The following TIAM1 variants were observed in gnomAD, a reference collection of about 807,000 sequenced individuals.
The protein encoded by TIAM1 is rho guanine nucleotide exchange factor TIAM1.
Under a neutral mutation model 163.5 loss-of-function variants are expected in TIAM1, and 65 were observed. That is an observed-to-expected ratio of 0.40 (90% confidence interval 0.33 to 0.49). The LOEUF (loss-of-function observed/expected upper bound fraction) is 0.49, where lower values mean the gene tolerates loss of function less well. Among genes scored for constraint, TIAM1 ranks in the 20% least tolerant of loss-of-function variants. The probability of loss-of-function intolerance (pLI) is 0.77; values close to 1 mark genes in which losing one functional copy is unlikely to be tolerated. For synonymous variants in TIAM1, 833 were observed against 810.1 expected (o/e 1.03, Z -0.48); for missense variants, 1,789 against 2,044.7 (o/e 0.87, Z 2.41).
chr21:31,146,784 T>C, intron 20 of TIAM1, 111 bp downstream of exon 20: 1 of 758,608 alleles, frequency 1.3e-6, no homozygotes, highest in Middle Eastern at 3.5e-4. Context: ...TGCTGGAACA[T>C]CTATCTGGCA....
chr21:31,315,478 G>A (rs950011170), intron 2 of TIAM1, among the ~76,000 whole-genome samples: 3 of 151,370 alleles, frequency 2.0e-5, no homozygotes, highest in African/African-American at 2.4e-5. Flanking sequence ...TCACGCCACC[G>A]CACTCTAGCC....
intron 2 of TIAM1, among the ~76,000 whole-genome samples, chr21:31,442,166 C>T (rs2044457606): frequency 6.9e-6 from 1 of 144,814 alleles, no homozygotes; most frequent in South Asian, 2.3e-4. Flanking sequence ...GAACTTACAG[C>T]CAAGGAGTGA....
intron 1 of TIAM1, among the ~76,000 whole-genome samples, chr21:31,514,509 C>T (rs1240808847): frequency 5.4e-5 from 8 of 148,022 alleles, no homozygotes; most frequent in Non-Finnish European, 1.0e-4. Context: ...AAAACCCCAT[C>T]TCTACTAAAA....
At chr21:31,521,490 A>T (rs1418965155) in intron 1 of TIAM1, among the ~76,000 whole-genome samples, 2 of 152,160 alleles carry the variant, frequency 1.3e-5, no homozygotes, top group Non-Finnish European at 2.9e-5. Flanking sequence ...AATCCCAGTG[A>T]TTTGGTAGGT....
chr21:31,447,694 G>A (rs1298458130), intron 2 of TIAM1, among the ~76,000 whole-genome samples: 1 of 152,196 alleles, frequency 6.6e-6, no homozygotes, highest in African/African-American at 2.4e-5. Flanking sequence ...GATGCCTGCT[G>A]GCCTGAGAAA....
intron 15 of TIAM1, among the ~76,000 whole-genome samples, chr21:31,166,176 C>T (rs899664490): frequency 6.6e-6 from 1 of 152,140 alleles, no homozygotes; most frequent in Non-Finnish European, 1.5e-5. Flanking sequence ...GGTCCATGGA[C>T]CACACTTGGA....
intron 1 of TIAM1, among the ~76,000 whole-genome samples, chr21:31,484,736 G>A (rs879599666): frequency 2.0e-5 from 3 of 152,152 alleles, no homozygotes; most frequent in Admixed American, 6.5e-5. Flanking sequence ...CCATCTTCAC[G>A]TTCTGAGGCT....
At chr21:31,295,214 C>T (rs11701393) in intron 2 of TIAM1, among the ~76,000 whole-genome samples, 65,912 of 152,076 alleles carry the variant, frequency 0.43, 17,259 homozygotes, top group Admixed American at 0.57. Flanking sequence ...CTTACGCCTG[C>T]AATCCCAGCA....
At chr21:31,474,774 G>A (rs1164421455) in intron 1 of TIAM1, among the ~76,000 whole-genome samples, 3 of 151,770 alleles carry the variant, frequency 2.0e-5, no homozygotes, top group African/African-American at 4.8e-5. Flanking sequence ...TCGAACTCCC[G>A]ACCTCAGTTG....
intron 1 of TIAM1, among the ~76,000 whole-genome samples, chr21:31,476,667 C>T (rs1169413921): frequency 6.6e-6 from 1 of 152,126 alleles, no homozygotes; most frequent in East Asian, 1.9e-4. Flanking sequence ...AAAATCGATC[C>T]ATGCACGGAG....
intron 2 of TIAM1, among the ~76,000 whole-genome samples, chr21:31,387,953 G>A (rs544901066): frequency 2.0e-5 from 3 of 152,188 alleles, no homozygotes; most frequent in African/African-American, 7.2e-5. Flanking sequence ...TGACACAATG[G>A]TGAGTTCTCA....
At chr21:31,147,679 TATAA>T (rs1033391258) in intron 19 of TIAM1, among the ~76,000 whole-genome samples, 87 of 144,938 alleles carry the variant, frequency 6.0e-4, no homozygotes, top group Admixed American at 4.6e-3. Flanking sequence ...TATAGATATA[TATAA>T]ATATATATTC....
chr21:31,520,285 C>A (rs575040150), intron 1 of TIAM1, among the ~76,000 whole-genome samples: 2 of 150,172 alleles, frequency 1.3e-5, no homozygotes, highest in Non-Finnish European at 2.9e-5. Context: ...GAGCTGAGAT[C>A]GCGCCATTGC....
chr21:31,539,364 C>G (rs1204199245), intron 1 of TIAM1, among the ~76,000 whole-genome samples: 1 of 150,474 alleles, frequency 6.6e-6, no homozygotes, highest in African/African-American at 2.5e-5. Context: ...CTCCCGGGTT[C>G]ACGCCATTCT....
At chr21:31,495,047 A>T (rs919626341) in intron 1 of TIAM1, among the ~76,000 whole-genome samples, 14 of 152,300 alleles carry the variant, frequency 9.2e-5, no homozygotes, top group South Asian at 4.1e-4. Flanking sequence ...GGGAAAAAAC[A>T]GTGTGTGTAT....
chr21:31,161,847 G>T (rs1373809953), intron 16 of TIAM1, among the ~76,000 whole-genome samples: 1 of 152,170 alleles, frequency 6.6e-6, no homozygotes, highest in Non-Finnish European at 1.5e-5. Flanking sequence ...CTCAAGAAAA[G>T]CTTCACACTT....
intron 1 of TIAM1, among the ~76,000 whole-genome samples, chr21:31,505,466 A>C (rs2046993467): frequency 6.6e-6 from 1 of 152,246 alleles, no homozygotes; most frequent in Non-Finnish European, 1.5e-5. Context: ...TCTTAAGCCA[A>C]GCTCACTGGT....
chr21:31,195,782 CT>C (rs61121175), intron 12 of TIAM1, among the ~76,000 whole-genome samples: 1 of 151,988 alleles, frequency 6.6e-6, no homozygotes. Context: ...GGAGGATATT[CT>C]TTTTTTTAGC....
chr21:31,425,338 G>GTAC (rs2043745960), intron 2 of TIAM1, among the ~76,000 whole-genome samples: 1 of 152,096 alleles, frequency 6.6e-6, no homozygotes, highest in Non-Finnish European at 1.5e-5. Context: ...GGAGCAATCA[G>GTAC]TACACAGATC....
Sources: allele counts gnomAD v4.1 joint callset (sites outside exome capture counted in the v4.1 genomes callset), GRCh38; gene constraint gnomAD v4.1.1; transcripts MANE v1.5; gene names NCBI Gene and HGNC (gene_info 2026-07-23, HGNC 2026-07-21).